Variants in CACNB4 observed in about 807,000 individuals in gnomAD.
The protein encoded by CACNB4 is voltage-dependent L-type calcium channel subunit beta-4.
CACNB4 carries 32 observed loss-of-function variants against 71.2 expected under a neutral mutation model. That is an observed-to-expected ratio of 0.45 (90% CI 0.34 to 0.60). CACNB4 has a LOEUF of 0.60. Ranked by LOEUF, CACNB4 falls within the 20% of genes least tolerant of loss-of-function variation. CACNB4 has a pLI of 0.01. For synonymous variants in CACNB4, 231 were observed against 236.9 expected (o/e 0.97, Z 0.23); for missense variants, 464 against 647.9 (o/e 0.72, Z 3.08).
At chr2:152,016,664 G>A (rs767199196) in intron 2 of CACNB4, among the ~76,000 whole-genome samples, 7 of 152,184 alleles carry the variant, frequency 4.6e-5, no homozygotes, top group African/African-American at 1.2e-4. Flanking sequence ...GCCAGGTCAC[G>A]ATACATCACT....
At chr2:152,044,249 C>CT (rs151044524) in intron 2 of CACNB4, among the ~76,000 whole-genome samples, 2,654 of 152,260 alleles carry the variant, frequency 0.017, 76 homozygotes, top group African/African-American at 0.059. Flanking sequence ...GAGACGGAGT[C>CT]TTGCTCTGTC....
rs571744663 is a variant in CACNB4, at chr2:151,885,424, C to G, written c.148-2054G>C. Among the ~76,000 whole-genome samples, 5 of 152,278 alleles carry G rather than the reference C, an allele frequency of 3.3e-5. No individual in the cohort carries two copies. In the South Asian group the frequency reaches 1.0e-3, roughly 32 times the overall value. ...AAACTCAGGTAGTTCAGCCTTAGAGCCAGCAGATTCACATCCCACACTGAG... is the reference window on the plus strand; with the variant it reads ...AAACTCAGGTAGTTCAGCCTTAGAGGCAGCAGATTCACATCCCACACTGAG... On this transcript the variant is annotated intron_variant, in intron 2 of 13. Transcript: ENST00000539935.
At chr2:151,899,445 A>G (rs996294499) in intron 2 of CACNB4, among the ~76,000 whole-genome samples, 1 of 152,100 alleles carries the variant, frequency 6.6e-6, no homozygotes, top group Non-Finnish European at 1.5e-5. Flanking sequence ...TATGCTACCA[A>G]CTCCCAAAGA....
intron 2 of CACNB4, among the ~76,000 whole-genome samples, chr2:151,988,973 T>C (rs1681532525): frequency 6.6e-6 from 1 of 152,192 alleles, no homozygotes. Flanking sequence ...TCATCTCTCT[T>C]CTTTTACCAT....
At chr2:151,983,371 G>A (rs1461737803) in intron 2 of CACNB4, among the ~76,000 whole-genome samples, 1 of 152,072 alleles carries the variant, frequency 6.6e-6, no homozygotes, top group Non-Finnish European at 1.5e-5. Flanking sequence ...CATTTCCTTT[G>A]CAGTATTGGA....
At position 152,098,787 on chromosome 2, in the gene CACNB4, G is replaced by T; in HGVS notation, c.63+162C>A. 8.3e-7 allele frequency: 1 copy of T among 1,199,546 alleles called. No individual in the cohort carries two copies. The highest frequency in any genetic ancestry group is 2.6e-4 in the Middle Eastern group (1 of 3,908). The allele number at this position is 1,199,546 out of a possible 1,614,324, so 74.3% of individuals were successfully genotyped here. A position where few individuals can be genotyped will look rare whatever the true frequency, so the allele number is the denominator to read the frequency against. On this transcript the variant is annotated intron_variant, in intron 1 of 13. Transcript: ENST00000539935. The surrounding 1 kb of genome is among the most constrained non-coding windows in gnomAD (Gnocchi z 5.3). ...AGAAGGAGGAGAAAGAGGAGGAGCG[G>T]GAGGAGAAAGGGACGTGGAGGAGGG... is the stretch of plus-strand genomic sequence containing the variant.
At chr2:152,040,996 A>G (rs140409659) in intron 2 of CACNB4, among the ~76,000 whole-genome samples, 2,604 of 152,308 alleles carry the variant, frequency 0.017, 85 homozygotes, top group African/African-American at 0.058. Flanking sequence ...CTCAAAGACC[A>G]TGGCAAAACA....
At chr2:151,986,144 A>C (rs1426157632) in intron 2 of CACNB4, among the ~76,000 whole-genome samples, 2 of 152,198 alleles carry the variant, frequency 1.3e-5, no homozygotes, top group African/African-American at 4.8e-5. Context: ...CTTACATCAA[A>C]ATAAAGCACT....
rs2099835354 is a variant in CACNB4, at chr2:151,838,372, T to A, written c.*747A>T. On this transcript the variant is annotated 3_prime_UTR_variant, in exon 14 of 14. Coordinates refer to ENST00000539935, the MANE Select transcript of CACNB4 (RefSeq NM_000726.5). ...TGTATTTGTTTTTGCCAACTTCAAA[T>A]GAGCTAACAGTACTGACCAAACAAA... 6.6e-6 allele frequency: 1 copy of A among 152,644 alleles called. No individual in the cohort carries two copies. Among genetic ancestry groups the A allele is most frequent in the African/African-American group, 2.4e-5 (1 of 41,448 alleles). The allele number at this position is 152,644 out of a possible 1,614,324, so 9.5% of individuals were successfully genotyped here.
chr2:151,963,370 T>C lies in CACNB4; in HGVS notation c.148-80000A>G, dbSNP rs185242823. 7.3e-5 allele frequency among the ~76,000 whole-genome samples: 11 copies of C among 151,442 alleles called. No individual in the cohort carries two copies. In the East Asian group the frequency reaches 1.6e-3, roughly 21 times the overall value. ...GCTCTAGGTCCACTTCTACTACAGA[T>C]TGCGTCATTCTAAACAAGTGGCCTA... is the stretch of plus-strand genomic sequence containing the variant. On this transcript the variant is annotated intron_variant, in intron 2 of 13. Transcript: ENST00000539935.
intron 2 of CACNB4, among the ~76,000 whole-genome samples, chr2:151,921,385 C>A (rs2099858976): frequency 6.6e-6 from 1 of 152,156 alleles, no homozygotes; most frequent in African/African-American, 2.4e-5. Flanking sequence ...TCATGCCTCA[C>A]TGACCTTTCT....
chr2:152,087,431 CAA>C (rs754057435), intron 2 of CACNB4, among the ~76,000 whole-genome samples: 26 of 79,402 alleles, frequency 3.3e-4, no homozygotes, highest in Admixed American at 7.4e-4. Flanking sequence ...GACCCCATCT[CAA>C]AAAAAAAAAA....
chr2:151,980,154 G>A (rs73011595), intron 2 of CACNB4, among the ~76,000 whole-genome samples: 1,734 of 152,108 alleles, frequency 0.011, 35 homozygotes, highest in African/African-American at 0.04. Context: ...TTGATAACAC[G>A]ATTAATAATA....
At chr2:152,004,927 C>T (rs191699432) in intron 2 of CACNB4, among the ~76,000 whole-genome samples, 2 of 152,192 alleles carry the variant, frequency 1.3e-5, no homozygotes, top group Admixed American at 6.5e-5. Context: ...ATCTAGTGGT[C>T]CCTATTTAAA....
intron 2 of CACNB4, among the ~76,000 whole-genome samples, chr2:151,951,056 T>C (rs947852010): frequency 6.6e-6 from 1 of 152,174 alleles, no homozygotes; most frequent in Non-Finnish European, 1.5e-5. Flanking sequence ...GCAATTCTCC[T>C]GCCTCAGCCT....
chr2:152,053,405 T>G (rs986181434), intron 2 of CACNB4, among the ~76,000 whole-genome samples: 7 of 152,218 alleles, frequency 4.6e-5, no homozygotes, highest in African/African-American at 1.7e-4. Flanking sequence ...GGAGAGGGCA[T>G]GGAAGCCCCA....
Position 152,054,095 on chromosome 2 carries a change from C to T in CACNB4, c.147+44235G>A, listed in dbSNP as rs555236308. Among the ~76,000 whole-genome samples, 18 of 151,990 alleles carry T rather than the reference C, an allele frequency of 1.2e-4. 1 individual carries two copies. Among genetic ancestry groups the T allele is most frequent in the Non-Finnish European group, 2.4e-4 (16 of 67,944 alleles). The stretch of plus-strand genomic sequence containing the variant: ...TAAGAAGTATTGTGTTGGCCGGGCG[C>T]GGTGGCTCACGCCTGTAATCCCAGC... On this transcript the variant is annotated intron_variant, in intron 2 of 13. Transcript: ENST00000539935.
In CACNB4 at chr2:151,869,223, T is replaced by A; in HGVS notation, c.712A>T (p.Met238Leu). Reference protein sequence around the residue: ...SLKGYEVTDMMQKALFDFLKH... With the variant: ...SLKGYEVTDMLQKALFDFLKH... ...AGGAAATCAAAGAGGGCTTTCTGCA[T>A]CATGTCTGTTACCTTTGCAGAGGTG... Residue 238 changes from methionine (M) to leucine (L), a missense_variant, in exon 9 of 14, where the codon ATG becomes TTG. Physicochemically the swap from Met to Leu is conservative, Grantham distance 15. Coordinates refer to ENST00000539935, the MANE Select transcript of CACNB4 (RefSeq NM_000726.5). 6.4e-7 allele frequency: 1 copy of A among 1,564,360 alleles called. No individual in the cohort carries two copies. The highest frequency in any genetic ancestry group is 8.7e-7 in the Non-Finnish European group (1 of 1,149,700).
At chr2:151,873,128 A>G (rs955570445) in intron 5 of CACNB4, 1 of 152,220 alleles carries the variant, frequency 6.6e-6, no homozygotes, top group Non-Finnish European at 1.5e-5. Flanking sequence ...ATAATAATTC[A>G]GTTATTTTAT....
Sources: allele counts gnomAD v4.1 joint callset (sites outside exome capture counted in the v4.1 genomes callset), GRCh38; gene constraint gnomAD v4.1.1; non-coding constraint Gnocchi (gnomAD v3.1); transcripts MANE v1.5; gene names NCBI Gene and HGNC (gene_info 2026-07-23, HGNC 2026-07-21).